The following GSK3B variants were observed in gnomAD, a reference collection of about 807,000 sequenced individuals.
GSK3B encodes the protein glycogen synthase kinase-3 beta.
A neutral mutation model predicts 56.4 loss-of-function variants in GSK3B; 15 were observed. The observed-to-expected ratio is 0.27, with a 90% CI of 0.18 to 0.41. The LOEUF (loss-of-function observed/expected upper bound fraction) is 0.41. Among genes scored for constraint, GSK3B ranks in the 10% least tolerant of loss-of-function variants. The pLI, the probability that GSK3B is intolerant of heterozygous loss-of-function variation, is 1.00. For synonymous variants in GSK3B, 181 were observed against 188.9 expected (o/e 0.96, Z 0.34); for missense variants, 300 against 513.4 (o/e 0.58, Z 4.02).
In GSK3B at chr3:120,093,458, T is replaced by TTTTC; in HGVS notation, c.-28_-25dup. 1 of 1,471,144 alleles carries TTTTC rather than the reference T, an allele frequency of 6.8e-7. No individual in the cohort carries two copies. Among genetic ancestry groups the TTTTC allele is most frequent in the Non-Finnish European group, 9.5e-7 (1 of 1,050,524 alleles). 91.1% of individuals were successfully genotyped at this position (1,471,144 alleles called of 1,614,324 possible). On this transcript the variant is annotated 5_prime_UTR_variant, in exon 1 of 11. Transcript: ENST00000264235. ...ATGATCACTCTCTTCGCGAATCACC[T>TTTTC]TTTCCTTCCTTCCTCCTTTTCTTCC... is the stretch of plus-strand genomic sequence containing the variant.
chr3:119,922,830 C>G (rs1054432694), intron 4 of GSK3B, among the ~76,000 whole-genome samples: 32 of 152,110 alleles, frequency 2.1e-4, no homozygotes, highest in African/African-American at 7.7e-4. Context: ...ACAAATTATG[C>G]TAGATAAATA....
chr3:119,935,764 A>C, intron 3 of GSK3B, among the ~76,000 whole-genome samples: 1 of 152,306 alleles, frequency 6.6e-6, no homozygotes, highest in African/African-American at 2.4e-5. Context: ...AGTATTACCC[A>C]ATACTAAAAC....
intron 7 of GSK3B, among the ~76,000 whole-genome samples, chr3:119,902,400 A>ATTAT (rs779141555): frequency 4.6e-5 from 7 of 151,890 alleles, no homozygotes; most frequent in South Asian, 2.1e-4. Flanking sequence ...TTTGATATTT[A>ATTAT]TTATTTATTT....
intron 1 of GSK3B, among the ~76,000 whole-genome samples, chr3:120,081,506 C>G (rs1289420717): frequency 1.3e-5 from 2 of 152,168 alleles, no homozygotes; most frequent in Non-Finnish European, 2.9e-5. Flanking sequence ...AAGATCGCGC[C>G]ACTGCACTCC....
chr3:119,830,388 C>G (rs2055580374), intron 10 of GSK3B, among the ~76,000 whole-genome samples: 1 of 152,232 alleles, frequency 6.6e-6, no homozygotes, highest in South Asian at 2.1e-4. Flanking sequence ...AATTAATGAG[C>G]TTTCTATTAA....
At chr3:119,970,805 A>G (rs2107515054) in intron 2 of GSK3B, among the ~76,000 whole-genome samples, 1 of 137,824 alleles carries the variant, frequency 7.3e-6, no homozygotes, top group Admixed American at 7.1e-5. Flanking sequence ...AAACAAACAA[A>G]CAAAAAAAAC....
chr3:120,047,549 A>G (rs1292118732), intron 1 of GSK3B, among the ~76,000 whole-genome samples: 2 of 152,204 alleles, frequency 1.3e-5, no homozygotes, highest in Non-Finnish European at 2.9e-5. Context: ...TCTATCCTCA[A>G]GCAACTAGTA....
At chr3:119,917,654 G>GT (rs1484380850) in intron 4 of GSK3B, among the ~76,000 whole-genome samples, 2 of 141,892 alleles carry the variant, frequency 1.4e-5, no homozygotes, top group African/African-American at 5.4e-5. Context: ...GTGAAAACGA[G>GT]TTTTCTTTTT....
chr3:120,052,221 A>G (rs142988996), intron 1 of GSK3B, among the ~76,000 whole-genome samples: 65 of 152,334 alleles, frequency 4.3e-4, no homozygotes, highest in Non-Finnish European at 7.9e-4. Flanking sequence ...AGAATAGTAC[A>G]ATTTATTTGA....
At position 120,087,299 on chromosome 3, in the gene GSK3B, G is replaced by A. The variant is rs1003561614; in HGVS notation, c.88+6048C>T. ...TGTAATCCCAGCACTTTGGGAGGCC[G>A]AGGTGGGAAGATCACAAGGTCAGGA... is the stretch of plus-strand genomic sequence containing the variant. On this transcript the variant is annotated intron_variant, in intron 1 of 10. Coordinates refer to ENST00000264235, the MANE Select transcript of GSK3B (RefSeq NM_001146156.2). 5.3e-5 allele frequency among the ~76,000 whole-genome samples: 8 copies of A among 152,164 alleles called. No homozygotes were observed. In the East Asian group the frequency reaches 7.7e-4, roughly 15 times the overall value.
intron 3 of GSK3B, among the ~76,000 whole-genome samples, chr3:119,929,439 C>T (rs1576207222): frequency 1.3e-5 from 2 of 152,250 alleles, no homozygotes; most frequent in Admixed American, 1.3e-4. Flanking sequence ...TTCCAATTTA[C>T]TTCATTTGCT....
intron 1 of GSK3B, among the ~76,000 whole-genome samples, chr3:120,087,533 A>G (rs1042553499): frequency 5.4e-5 from 8 of 148,294 alleles, no homozygotes; most frequent in Admixed American, 5.3e-4. Flanking sequence ...CTCCATCTCA[A>G]AAAAAAAAAA....
chr3:120,081,177 C>A (rs76011210), intron 1 of GSK3B, among the ~76,000 whole-genome samples: 1 of 152,070 alleles, frequency 6.6e-6, no homozygotes, highest in Non-Finnish European at 1.5e-5. Context: ...CCACTCAGTG[C>A]TAAGCACACA....
chr3:119,930,123 A>ACACACACACACG (rs1263643512), intron 3 of GSK3B, among the ~76,000 whole-genome samples: 35 of 137,102 alleles, frequency 2.6e-4, no homozygotes, highest in Admixed American at 2.3e-3. Flanking sequence ...ACACACACAC[A>ACACACACACACG]CGTGCGCATG....
chr3:119,904,852 A>G (rs1362566655), intron 7 of GSK3B, among the ~76,000 whole-genome samples: 1 of 152,058 alleles, frequency 6.6e-6, no homozygotes, highest in East Asian at 1.9e-4. Context: ...TTCTATGCAA[A>G]ATTTGGGATA....
At chr3:119,842,857 A>G (rs895006503) in intron 10 of GSK3B, among the ~76,000 whole-genome samples, 3 of 152,224 alleles carry the variant, frequency 2.0e-5, no homozygotes, top group Admixed American at 6.5e-5. Flanking sequence ...GATATATAAA[A>G]GATATTAAAT....
intron 2 of GSK3B, among the ~76,000 whole-genome samples, chr3:119,984,316 C>A (rs1290542450): frequency 6.7e-6 from 1 of 149,946 alleles, no homozygotes; most frequent in African/African-American, 2.5e-5. Context: ...CAAAAGCAAA[C>A]AAATTCAAAA....
chr3:120,025,716 A>G (rs2057916953), intron 1 of GSK3B, among the ~76,000 whole-genome samples: 2 of 152,228 alleles, frequency 1.3e-5, no homozygotes, highest in South Asian at 4.1e-4. Flanking sequence ...TCTACCAGGC[A>G]TCCAAACAGA....
At chr3:119,893,604 G>A (rs1231007663) in intron 7 of GSK3B, among the ~76,000 whole-genome samples, 1 of 152,100 alleles carries the variant, frequency 6.6e-6, no homozygotes, top group Non-Finnish European at 1.5e-5. Flanking sequence ...TTTGGGTAAA[G>A]TATTTATTTA....
Sources: allele counts gnomAD v4.1 joint callset (sites outside exome capture counted in the v4.1 genomes callset), GRCh38; gene constraint gnomAD v4.1.1; transcripts MANE v1.5; gene names NCBI Gene and HGNC (gene_info 2026-07-23, HGNC 2026-07-21).